The following FARS2 variants were observed in gnomAD, a reference collection of about 807,000 sequenced individuals.
FARS2 encodes the protein phenylalanyl-tRNA synthetase 2, mitochondrial.
In FARS2, 40 loss-of-function variants were observed where a neutral mutation model predicts 46.4. That is an observed-to-expected ratio of 0.86 (90% CI 0.67 to 1.12). The LOEUF (loss-of-function observed/expected upper bound fraction) is 1.12, where lower values mean the gene tolerates loss of function less well. Among genes scored for constraint, FARS2 ranks in the 50% most tolerant of loss-of-function variants. The pLI is 0.00. For missense variants in FARS2, 513 were observed against 567.9 expected (o/e 0.90, Z 0.98); for synonymous variants, 234 against 214.9 (o/e 1.09, Z -0.78).
At chr6:5,476,541 A>C (rs1766133779) in intron 4 of FARS2, among the ~76,000 whole-genome samples, 1 of 152,146 alleles carries the variant, frequency 6.6e-6, no homozygotes, top group East Asian at 1.9e-4. Context: ...TGGATGAATG[A>C]ATGAATGAAT....
At position 5,268,837 on chromosome 6, in the gene FARS2, A is replaced by G. The variant is rs568035650; in HGVS notation, c.-22+7177A>G. Reference sequence around the variant, plus strand: ...ATATTGATTCTTCCTATCCATGAGCATGGAATGTTCTTCCATTTGTTTGTG... The same window carrying G: ...ATATTGATTCTTCCTATCCATGAGCGTGGAATGTTCTTCCATTTGTTTGTG... On this transcript the variant is annotated intron_variant, in intron 1 of 6. Coordinates refer to ENST00000274680, the MANE Select transcript of FARS2 (RefSeq NM_006567.5). Among the ~76,000 whole-genome samples the G allele has an allele frequency of 7.2e-5, 11 of 152,298 alleles. No individual in the cohort carries two copies. In the South Asian group the frequency reaches 1.4e-3, roughly 20 times the overall value.
intron 5 of FARS2, among the ~76,000 whole-genome samples, chr6:5,577,743 A>T (rs1192218383): frequency 6.6e-6 from 1 of 152,136 alleles, no homozygotes; most frequent in Non-Finnish European, 1.5e-5. Flanking sequence ...GTAGCTTTGG[A>T]GTAAACAATA....
chr6:5,362,988 G>A (rs1267148602), intron 1 of FARS2, among the ~76,000 whole-genome samples: 8 of 147,130 alleles, frequency 5.4e-5, no homozygotes, highest in East Asian at 2.0e-4. Flanking sequence ...GTGCAGTGGC[G>A]CGATCTCGGC....
At chr6:5,618,825 G>A (rs1359019864) in intron 6 of FARS2, among the ~76,000 whole-genome samples, 2 of 152,122 alleles carry the variant, frequency 1.3e-5, no homozygotes, top group African/African-American at 2.4e-5. Flanking sequence ...GTAGGGAAGG[G>A]GACCAGGTTG....
intron 3 of FARS2, among the ~76,000 whole-genome samples, chr6:5,423,027 A>G (rs995447073): frequency 1.3e-5 from 2 of 152,160 alleles, no homozygotes; most frequent in Admixed American, 6.5e-5. Context: ...TGCAAGTGAT[A>G]AAGCTGGGAT....
intron 5 of FARS2, among the ~76,000 whole-genome samples, chr6:5,588,902 C>T (rs1362549096): frequency 5.9e-5 from 9 of 152,188 alleles, no homozygotes; most frequent in African/African-American, 2.2e-4. Flanking sequence ...TTCACATCAT[C>T]GCCATAGGCA....
chr6:5,631,879 T>C (rs540553334), intron 6 of FARS2, among the ~76,000 whole-genome samples: 2 of 152,348 alleles, frequency 1.3e-5, no homozygotes, highest in South Asian at 2.1e-4. Flanking sequence ...GCAAATTTGT[T>C]TAATTAAAAT....
At chr6:5,757,168 T>C (rs1274031253) in intron 6 of FARS2, among the ~76,000 whole-genome samples, 1 of 79,188 alleles carries the variant, frequency 1.3e-5, no homozygotes, top group Non-Finnish European at 2.1e-5. Context: ...GCCTGACATC[T>C]TTTTTTTTTT....
chr6:5,364,877 CA>C (rs1195813433), intron 1 of FARS2, among the ~76,000 whole-genome samples: 1 of 152,082 alleles, frequency 6.6e-6, no homozygotes, highest in Non-Finnish European at 1.5e-5. Flanking sequence ...ACAAAAAATA[CA>C]AAAGCTAGCC....
In FARS2 at chr6:5,353,726, G is replaced by GTTTTTTTTTTTTTTTT. The variant is rs55998904; in HGVS notation, c.-21-14817_-21-14802dup. Among the ~76,000 whole-genome samples the GTTTTTTTTTTTTTTTT allele has an allele frequency of 5.4e-4, 22 of 40,382 alleles. 2 individuals carry two copies. Among genetic ancestry groups the GTTTTTTTTTTTTTTTT allele is most frequent in the East Asian group, 1.3e-3 (1 of 784 alleles). 26.5% of individuals were successfully genotyped at this position (40,382 alleles called of 152,430 possible). ...CTGTTTTTAAATTGTAATATTTGGT[G>GTTTTTTTTTTTTTTTT]TTTTTTTTTTTTTTTTTTTTTTGCT... On this transcript the variant is annotated intron_variant, in intron 1 of 6. Coordinates refer to ENST00000274680, the MANE Select transcript of FARS2 (RefSeq NM_006567.5).
At chr6:5,430,656 A>G (rs548112150) in intron 3 of FARS2, among the ~76,000 whole-genome samples, 1 of 152,128 alleles carries the variant, frequency 6.6e-6, no homozygotes, top group African/African-American at 2.4e-5. Flanking sequence ...AGTTTGGAGG[A>G]AAATATAGTA....
chr6:5,410,560 C>G (rs753509543), intron 3 of FARS2, among the ~76,000 whole-genome samples: 1 of 151,998 alleles, frequency 6.6e-6, no homozygotes, highest in Non-Finnish European at 1.5e-5. Flanking sequence ...TTGCTAGCTT[C>G]TGAAAAATGT....
chr6:5,379,799 G>A (rs1312155337), intron 2 of FARS2, among the ~76,000 whole-genome samples: 1 of 152,232 alleles, frequency 6.6e-6, no homozygotes, highest in Non-Finnish European at 1.5e-5. Flanking sequence ...AAGAAGTGCA[G>A]GGTGCCCAGT....
intron 4 of FARS2, among the ~76,000 whole-genome samples, chr6:5,488,641 A>AAGGAGAATGGCGTGAACCCGGGAAGCG (rs1561657202): frequency 1.4e-4 from 22 of 151,848 alleles, no homozygotes; most frequent in African/African-American, 4.8e-4. Context: ...ATGGAGCATA[A>AAGGAGAATGGCGTGAACCCGGGAAGCG]GAGTTTAGTT....
the FARS2 span, among the ~76,000 whole-genome samples, chr6:5,251,637 A>C: frequency 1.3e-5 from 2 of 152,196 alleles, no homozygotes; most frequent in African/African-American, 4.8e-5. Context: ...ATTCATGAGA[A>C]ACCTGCCCCC....
At chr6:5,427,528 G>T (rs1011722172) in intron 3 of FARS2, among the ~76,000 whole-genome samples, 1 of 151,932 alleles carries the variant, frequency 6.6e-6, no homozygotes, top group African/African-American at 2.4e-5. Context: ...CTGAGCAGAG[G>T]ATCTCAGGGG....
chr6:5,558,804 G>T (rs2150530855), intron 5 of FARS2, among the ~76,000 whole-genome samples: 1 of 152,014 alleles, frequency 6.6e-6, no homozygotes, highest in East Asian at 1.9e-4. Flanking sequence ...ACCCGCCTTG[G>T]CCTCAGAATT....
At chr6:5,353,775 A>G (rs1424345230) in intron 1 of FARS2, among the ~76,000 whole-genome samples, 1 of 68,728 alleles carries the variant, frequency 1.5e-5, no homozygotes, top group Non-Finnish European at 2.8e-5. Flanking sequence ...AGCTTCTTAG[A>G]TATTCTGAAT....
chr6:5,409,318 G>C (rs1444053670), intron 3 of FARS2, among the ~76,000 whole-genome samples: 1 of 152,110 alleles, frequency 6.6e-6, no homozygotes, highest in Admixed American at 6.5e-5. Context: ...GGGCGTGGTG[G>C]CACACGCCTG....
Sources: allele counts gnomAD v4.1 joint callset (sites outside exome capture counted in the v4.1 genomes callset), GRCh38; gene constraint gnomAD v4.1.1; transcripts MANE v1.5; gene names NCBI Gene and HGNC (gene_info 2026-07-23, HGNC 2026-07-21).